IGFL2: variants seen among roughly 807,000 people sequenced by gnomAD.
IGFL2 encodes the protein insulin growth factor-like family member 2.
IGFL2 carries 7 observed loss-of-function variants against 13.9 expected under a neutral mutation model. The observed-to-expected ratio is 0.51, with a 90% confidence interval of 0.29 to 0.95. IGFL2 has a LOEUF of 0.95. IGFL2 is among the 40% of genes least tolerant of loss of function. IGFL2 has a pLI of 0.08. For synonymous variants in IGFL2, 55 were observed against 55.8 expected, an observed-to-expected ratio of 0.99 and a Z score of 0.07; for missense variants, 138 against 147.8, an observed-to-expected ratio of 0.93 and a Z score of 0.34.
At chr19:46,137,420 G>C in the IGFL2 span, 2 of 1,030,240 alleles carry the variant, frequency 1.9e-6, no homozygotes, top group Non-Finnish European at 3.1e-6. Context: ...TTGCTCGGAA[G>C]GATGGACATT....
chr19:46,200,514 T>TTC, the IGFL2 span, among the ~76,000 whole-genome samples: 1 of 100,104 alleles, frequency 1.0e-5, no homozygotes, highest in Non-Finnish European at 2.1e-5. Context: ...CTTTTCTCTT[T>TTC]TCTTTTCTTT....
chr19:46,138,058 G>A, the IGFL2 span, among the ~76,000 whole-genome samples: 1 of 152,312 alleles, frequency 6.6e-6, no homozygotes, highest in South Asian at 2.1e-4. Flanking sequence ...CCATTGCTGG[G>A]AAGCTAGTGC....
the IGFL2 span, chr19:46,110,972 T>A: frequency 6.6e-6 from 1 of 152,190 alleles, no homozygotes; most frequent in African/African-American, 2.4e-5. Context: ...TATGGTGACA[T>A]GTTTCTTTAT....
At chr19:46,136,680 A>G in the IGFL2 span, 56 of 460,616 alleles carry the variant, frequency 1.2e-4, no homozygotes, top group East Asian at 7.3e-4. Flanking sequence ...AAATAATGCA[A>G]TTCATCTCTT....
chr19:46,202,042 G>A, the IGFL2 span, among the ~76,000 whole-genome samples: 1 of 152,138 alleles, frequency 6.6e-6, no homozygotes, highest in Non-Finnish European at 1.5e-5. Flanking sequence ...TTGGCCTGGT[G>A]AGGAGCAGTG....
the IGFL2 span, among the ~76,000 whole-genome samples, chr19:46,167,303 C>T: frequency 3.5e-4 from 54 of 152,348 alleles, 1 homozygote; most frequent in African/African-American, 1.2e-3. Flanking sequence ...TAGTACACAT[C>T]TGTCAATAAT....
chr19:46,087,029 G>A, the IGFL2 span, among the ~76,000 whole-genome samples: 2 of 152,214 alleles, frequency 1.3e-5, no homozygotes, highest in African/African-American at 4.8e-5. Flanking sequence ...TGGGCTGAAT[G>A]TGCCTGTCTT....
At chr19:46,181,462 CAG>C in the IGFL2 span, 5 of 152,202 alleles carry the variant, frequency 3.3e-5, no homozygotes, top group Admixed American at 6.5e-5. Flanking sequence ...AGTCACATAA[CAG>C]GGGGTTGCAA....
At chr19:46,158,271 G>A (rs892624602) in intron 1 of IGFL2, among the ~76,000 whole-genome samples, 1 of 151,976 alleles carries the variant, frequency 6.6e-6, no homozygotes, top group African/African-American at 2.4e-5. Context: ...GCAGTGGCGC[G>A]ATCTTGGCTC....
the IGFL2 span, among the ~76,000 whole-genome samples, chr19:46,186,985 A>G: frequency 4.2e-4 from 64 of 152,394 alleles, no homozygotes; most frequent in African/African-American, 1.4e-3. Flanking sequence ...TAGATAGTGT[A>G]AAGTATTTCA....
At chr19:46,196,574 G>A in the IGFL2 span, among the ~76,000 whole-genome samples, 1 of 152,002 alleles carries the variant, frequency 6.6e-6, no homozygotes, top group Non-Finnish European at 1.5e-5. Context: ...TTCCCTGCCC[G>A]ACCCCAGCTG....
chr19:46,100,317 A>C, the IGFL2 span, among the ~76,000 whole-genome samples: 1 of 152,162 alleles, frequency 6.6e-6, no homozygotes, highest in Non-Finnish European at 1.5e-5. Flanking sequence ...GAAAAGTCTC[A>C]ATCATTTTAG....
At chr19:46,143,254 T>A (rs1272836425), upstream of IGFL2, 4 of 152,232 alleles carry the variant, frequency 2.6e-5, no homozygotes, top group African/African-American at 9.6e-5. Flanking sequence ...AATAACGTGT[T>A]CTTTTCTCTA....
At chr19:46,137,959 T>C in the IGFL2 span, among the ~76,000 whole-genome samples, 125 of 152,376 alleles carry the variant, frequency 8.2e-4, no homozygotes, top group Middle Eastern at 6.8e-3. Context: ...GATTGAGTTT[T>C]GACTTTCTAC....
the IGFL2 span, among the ~76,000 whole-genome samples, chr19:46,088,573 C>T: frequency 2.6e-5 from 4 of 152,208 alleles, no homozygotes; most frequent in Admixed American, 1.3e-4. Flanking sequence ...CATTCAGCTT[C>T]TTGTCATTGA....
At chr19:46,152,407 G>A (rs1486193481) in intron 1 of IGFL2, among the ~76,000 whole-genome samples, 1 of 151,876 alleles carries the variant, frequency 6.6e-6, no homozygotes, top group Non-Finnish European at 1.5e-5. Flanking sequence ...TTCCTGAGCA[G>A]CTAGAACTAC....
At chr19:46,188,880 T>C in the IGFL2 span, among the ~76,000 whole-genome samples, 1 of 152,218 alleles carries the variant, frequency 6.6e-6, no homozygotes, top group South Asian at 2.1e-4. Context: ...TGGCCAGCTC[T>C]TTGTGGGAGC....
chr19:46,170,263 A>G, the IGFL2 span, among the ~76,000 whole-genome samples: 1 of 152,098 alleles, frequency 6.6e-6, no homozygotes, highest in African/African-American at 2.4e-5. Context: ...GGGAACCCGA[A>G]TGGAGGGACC....
At chr19:46,098,060 T>C in the IGFL2 span, among the ~76,000 whole-genome samples, 1 of 152,212 alleles carries the variant, frequency 6.6e-6, no homozygotes, top group Non-Finnish European at 1.5e-5. Context: ...AATACCCTTG[T>C]TAATTTACTG....
Sources: allele counts gnomAD v4.1 joint callset (sites outside exome capture counted in the v4.1 genomes callset), GRCh38; gene constraint gnomAD v4.1.1; transcripts MANE v1.5; gene names NCBI Gene and HGNC (gene_info 2026-07-23, HGNC 2026-07-21).